The following MAPKAP1 variants were observed in gnomAD, a reference collection of about 807,000 sequenced individuals.
MAPKAP1 encodes the protein target of rapamycin complex 2 subunit MAPKAP1.
A neutral mutation model predicts 65.7 loss-of-function variants in MAPKAP1; 20 were observed. The observed-to-expected ratio is 0.30, with a 90% CI of 0.21 to 0.44. The LOEUF (loss-of-function observed/expected upper bound fraction) is 0.44. MAPKAP1 is among the 20% of genes least tolerant of loss of function. The pLI, the probability that MAPKAP1 is intolerant of heterozygous loss-of-function variation, is 1.00. For missense variants in MAPKAP1, 423 were observed against 648.0 expected, an observed-to-expected ratio of 0.65 and a Z score of 3.77; for synonymous variants, 222 against 244.3, an observed-to-expected ratio of 0.91 and a Z score of 0.85.
chr9:125,516,696 G>A (rs1244459307), intron 7 of MAPKAP1, among the ~76,000 whole-genome samples: 1 of 152,162 alleles, frequency 6.6e-6, no homozygotes, highest in African/African-American at 2.4e-5. Flanking sequence ...GTGGGTTCTG[G>A]AGTCAAAAAG....
At chr9:125,456,758 G>GA (rs1330327311) in intron 10 of MAPKAP1, among the ~76,000 whole-genome samples, 4 of 152,162 alleles carry the variant, frequency 2.6e-5, no homozygotes, top group African/African-American at 9.7e-5. Flanking sequence ...TTGTCTGAAT[G>GA]AAACCCTGAG....
At position 125,447,061 on chromosome 9, in the gene MAPKAP1, G is replaced by A. The variant is rs1322966295; in HGVS notation, c.1346-2463C>T. 6.6e-6 allele frequency among the ~76,000 whole-genome samples: 1 copy of A among 152,016 alleles called. No individual in the cohort carries two copies. The highest frequency in any genetic ancestry group is 1.9e-4 in the East Asian group (1 of 5,186). On this transcript the variant is annotated intron_variant, in intron 10 of 11. Coordinates refer to ENST00000265960, the MANE Select transcript of MAPKAP1 (RefSeq NM_001006617.3). The surrounding 1 kb of genome is among the most constrained non-coding windows in gnomAD (Gnocchi z 4.5). Reference sequence around the variant, plus strand: ...GCCTGTGGTTCATCTGCACAGTCACGTGAAAAAAACAAAAAAATCATACCA... The same window carrying A: ...GCCTGTGGTTCATCTGCACAGTCACATGAAAAAAACAAAAAAATCATACCA...
intron 6 of MAPKAP1, among the ~76,000 whole-genome samples, chr9:125,552,800 GT>G (rs1830621249): frequency 6.6e-6 from 1 of 152,156 alleles, no homozygotes; most frequent in Non-Finnish European, 1.5e-5. Flanking sequence ...TTTTCTAACG[GT>G]GATGTGAGCC....
intron 4 of MAPKAP1, among the ~76,000 whole-genome samples, chr9:125,589,560 A>G (rs1831891633): frequency 1.3e-5 from 2 of 152,222 alleles, no homozygotes; most frequent in South Asian, 4.1e-4. Context: ...TTTCCTGGTC[A>G]TAGGTGAAAG....
chr9:125,445,587 G>A (rs1485417726), intron 10 of MAPKAP1, among the ~76,000 whole-genome samples: 2 of 152,216 alleles, frequency 1.3e-5, no homozygotes, highest in African/African-American at 4.8e-5. Context: ...TGCAGCCATG[G>A]CTACATTATC....
At chr9:125,560,354 G>A (rs1158580734) in intron 5 of MAPKAP1, among the ~76,000 whole-genome samples, 1 of 152,140 alleles carries the variant, frequency 6.6e-6, no homozygotes, top group African/African-American at 2.4e-5. Flanking sequence ...GGGAGGCTGA[G>A]GCAGGCAGAT....
At chr9:125,549,416 T>G (rs1199085463) in intron 6 of MAPKAP1, among the ~76,000 whole-genome samples, 1 of 152,254 alleles carries the variant, frequency 6.6e-6, no homozygotes, top group African/African-American at 2.4e-5. Flanking sequence ...TTGTAATAAC[T>G]GCAGCATGCC....
chr9:125,487,729 A>T (rs2133044573), intron 8 of MAPKAP1, among the ~76,000 whole-genome samples: 1 of 152,340 alleles, frequency 6.6e-6, no homozygotes, highest in East Asian at 1.9e-4. Flanking sequence ...AGCAATTTCA[A>T]TGCCAGCTGC....
chr9:125,460,233 G>A (rs1355395620), intron 10 of MAPKAP1, among the ~76,000 whole-genome samples: 1 of 151,626 alleles, frequency 6.6e-6, no homozygotes, highest in Non-Finnish European at 1.5e-5. Context: ...CAATTGTTTT[G>A]TTACAATGGG....
chr9:125,609,152 T>C (rs1832524888), intron 4 of MAPKAP1, among the ~76,000 whole-genome samples: 1 of 152,228 alleles, frequency 6.6e-6, no homozygotes, highest in South Asian at 2.1e-4. Context: ...TGCAACTGTG[T>C]CATTTTTTAA....
intron 7 of MAPKAP1, among the ~76,000 whole-genome samples, chr9:125,531,609 A>T (rs911227830): frequency 5.3e-5 from 8 of 152,224 alleles, no homozygotes; most frequent in African/African-American, 1.7e-4. Flanking sequence ...TCAGAAATTC[A>T]TATTAGTATC....
intron 7 of MAPKAP1, among the ~76,000 whole-genome samples, chr9:125,510,028 G>T (rs1829254012): frequency 6.6e-6 from 1 of 152,172 alleles, no homozygotes; most frequent in African/African-American, 2.4e-5. Context: ...GCATGTTGAT[G>T]ACTTTAATAC....
intron 7 of MAPKAP1, among the ~76,000 whole-genome samples, chr9:125,506,895 TG>T (rs1273063563): frequency 6.6e-6 from 1 of 152,226 alleles, no homozygotes. Context: ...ATAAGATATG[TG>T]TAGAACTCTA....
At chr9:125,629,779 A>G (rs1420150112) in intron 4 of MAPKAP1, among the ~76,000 whole-genome samples, 2 of 152,184 alleles carry the variant, frequency 1.3e-5, no homozygotes, top group Non-Finnish European at 2.9e-5. Context: ...TTAACTGAAA[A>G]ATAAAAAAGA....
chr9:125,568,255 CTG>C (rs907887235), intron 5 of MAPKAP1, among the ~76,000 whole-genome samples: 2 of 152,122 alleles, frequency 1.3e-5, no homozygotes, highest in African/African-American at 4.8e-5. Context: ...GGGATGTTAA[CTG>C]TTATTCTCTT....
At chr9:125,653,242 A>G (rs1833941915) in intron 4 of MAPKAP1, among the ~76,000 whole-genome samples, 1 of 152,242 alleles carries the variant, frequency 6.6e-6, no homozygotes, top group Non-Finnish European at 1.5e-5. Flanking sequence ...GAGTAACAAA[A>G]GACAAGCACA....
Position 125,479,580 on chromosome 9 carries a change from C to CAA in MAPKAP1, c.1207+4861_1207+4862dup, listed in dbSNP as rs1173012841. On this transcript the variant is annotated intron_variant, in intron 9 of 11. Transcript: ENST00000265960. ...GGGCAACAAGAGCGAAACTCCATCT[C>CAA]AAAAAAAAAAAAAAAAGTCTGGTGG... Among the ~76,000 whole-genome samples the CAA allele has an allele frequency of 1.0e-4, 12 of 114,288 alleles. No individual in the cohort carries two copies. The South Asian group carries it at 1.2e-3, about 11-fold the overall frequency. The allele number at this position is 114,288 out of a possible 152,430, so 75.0% of individuals were successfully genotyped here. A position where few individuals can be genotyped will look rare whatever the true frequency, so the allele number is the denominator to read the frequency against.
At chr9:125,628,358 C>T (rs1202890685) in intron 4 of MAPKAP1, among the ~76,000 whole-genome samples, 4 of 152,228 alleles carry the variant, frequency 2.6e-5, no homozygotes, top group Non-Finnish European at 4.4e-5. Flanking sequence ...TAAAATGCTT[C>T]ACTATGCAGA....
At chr9:125,594,046 C>G (rs1832051243) in intron 4 of MAPKAP1, among the ~76,000 whole-genome samples, 1 of 152,236 alleles carries the variant, frequency 6.6e-6, no homozygotes, top group African/African-American at 2.4e-5. Context: ...TCACACTCTA[C>G]CATCCAAATG....
Sources: gnomAD v4.1 joint callset for allele counts (sites outside exome capture counted in the v4.1 genomes callset) on GRCh38, gnomAD v4.1.1 for gene constraint, Gnocchi (gnomAD v3.1) non-coding constraint, MANE v1.5 for transcripts, NCBI Gene and HGNC (gene_info 2026-07-23, HGNC 2026-07-21) for gene names.